Variants in ERI1 observed in about 807,000 individuals in gnomAD.
ERI1 encodes 3'-5' exoribonuclease 1.
Under a neutral mutation model 39.7 loss-of-function variants are expected in ERI1, and 39 were observed. That is an observed-to-expected ratio of 0.98 (90% CI 0.76 to 1.28). The LOEUF (loss-of-function observed/expected upper bound fraction) is 1.28. Ranked by LOEUF, ERI1 falls within the 50% of genes most tolerant of loss-of-function variation. The pLI is 0.00. For missense variants in ERI1, 581 were observed against 416.9 expected (o/e 1.39, Z -3.43); for synonymous variants, 204 against 149.6 (o/e 1.36, Z -2.65).
At chr8:9,053,110 G>A (rs1282592359) in intron 3 of ERI1, among the ~76,000 whole-genome samples, 3 of 152,100 alleles carry the variant, frequency 2.0e-5, no homozygotes, top group Admixed American at 6.5e-5. Context: ...TCTGCCTCCC[G>A]GGTTCAAGAG....
At chr8:9,040,641 C>G (rs1048789717) in intron 3 of ERI1, among the ~76,000 whole-genome samples, 8 of 151,974 alleles carry the variant, frequency 5.3e-5, no homozygotes, top group African/African-American at 1.9e-4. Flanking sequence ...TAGACATATC[C>G]CACATGAAGA....
intron 6 of ERI1, among the ~76,000 whole-genome samples, chr8:9,028,705 C>A (rs995035765): frequency 2.0e-5 from 3 of 152,068 alleles, no homozygotes; most frequent in African/African-American, 7.2e-5. Context: ...CTCACTGTAA[C>A]CTCTGCCTCC....
intron 3 of ERI1, among the ~76,000 whole-genome samples, chr8:9,063,870 G>A (rs1380543176): frequency 6.6e-6 from 1 of 152,124 alleles, no homozygotes; most frequent in Admixed American, 6.5e-5. Context: ...GTAAGTTGAA[G>A]AGGTTTTAAG....
chr8:9,010,439 C>A (rs551350303), intron 2 of ERI1, among the ~76,000 whole-genome samples: 18 of 152,236 alleles, frequency 1.2e-4, no homozygotes, highest in African/African-American at 4.3e-4. Flanking sequence ...TTTTGAAAAT[C>A]TCAAGCAAAG....
At chr8:9,020,523 C>T in intron 6 of ERI1, 59 bp downstream of exon 6, 1 of 1,071,588 alleles carries the variant, frequency 9.3e-7, no homozygotes, top group Non-Finnish European at 1.4e-6. Context: ...TTAAAATTTG[C>T]ATGTACGTTA....
At chr8:9,067,252 G>A (rs897550458) in intron 3 of ERI1, among the ~76,000 whole-genome samples, 5 of 152,034 alleles carry the variant, frequency 3.3e-5, no homozygotes, top group Admixed American at 6.5e-5. Context: ...ACACGTTCCT[G>A]TATCAGCCTG....
chr8:9,071,454 C>G (rs922569943), intron 3 of ERI1, among the ~76,000 whole-genome samples: 21 of 152,142 alleles, frequency 1.4e-4, no homozygotes, highest in Admixed American at 1.4e-3. Context: ...AATGCCAGCT[C>G]TATGTGAAAA....
intron 3 of ERI1, among the ~76,000 whole-genome samples, chr8:9,057,838 G>T (rs376899157): frequency 1.4e-4 from 22 of 152,326 alleles, no homozygotes; most frequent in African/African-American, 4.6e-4. Context: ...AGAGCCTTGG[G>T]AGCTGCCTGG....
In ERI1 at chr8:9,018,319, C is replaced by A. The variant is rs757349300; in HGVS notation, c.605C>A (p.Thr202Asn). ...ITQDQVDRADTFPQVLKKVID... is the reference protein window; with the variant it reads ...ITQDQVDRADNFPQVLKKVID... ...CAGGATCAGGTAGACAGAGCTGATA[C>A]CTTCCCTCAGGTACTAAAAAAAGTA... The change falls in exon 5 of 7, where the codon ACC (threonine) becomes AAC (asparagine). Residue 202 changes from threonine to asparagine, a missense_variant. Physicochemically the swap from Thr to Asn is moderately conservative, Grantham distance 65. Coordinates refer to ENST00000250263, the MANE Select transcript of ERI1 (RefSeq NM_153332.4). 1.9e-6 allele frequency: 3 copies of A among 1,611,402 alleles called. No homozygotes were observed. The highest frequency in any genetic ancestry group is 1.1e-5 in the South Asian group (1 of 90,996).
At chr8:9,018,268 T>A (rs781130403) in intron 4 of ERI1, 29 bp from the exon 5 acceptor site, 1 of 1,403,046 alleles carries the variant, frequency 7.1e-7, no homozygotes, top group South Asian at 1.2e-5. Context: ...CAGCCCTGAT[T>A]TTTGTATATT....
chr8:9,028,101 G>C (rs1236676128), intron 6 of ERI1, among the ~76,000 whole-genome samples: 2 of 152,164 alleles, frequency 1.3e-5, no homozygotes, highest in African/African-American at 2.4e-5. Context: ...GAATGAGTTG[G>C]GAAGTATTTC....
downstream of ERI1, among the ~76,000 whole-genome samples, chr8:9,033,934 A>T (rs1212734249): frequency 6.6e-6 from 1 of 152,276 alleles, no homozygotes; most frequent in African/African-American, 2.4e-5. Context: ...TTTGATGTTC[A>T]TTCTTTGAAT....
intron 3 of ERI1, among the ~76,000 whole-genome samples, chr8:9,074,421 G>A (rs955448169): frequency 5.3e-5 from 8 of 151,790 alleles, no homozygotes; most frequent in African/African-American, 1.7e-4. Context: ...CACTGCACCT[G>A]ATCCATATTT....
At chr8:9,056,337 T>C (rs889587367) in intron 3 of ERI1, among the ~76,000 whole-genome samples, 1 of 152,214 alleles carries the variant, frequency 6.6e-6, no homozygotes, top group African/African-American at 2.4e-5. Flanking sequence ...CCCTTATCTG[T>C]TGGGGTAAGG....
chr8:9,081,410 A>T (rs1799360554), intron 3 of ERI1, among the ~76,000 whole-genome samples: 1 of 152,230 alleles, frequency 6.6e-6, no homozygotes, highest in Non-Finnish European at 1.5e-5. Context: ...GAGGTTCTTT[A>T]TACTAGTCTG....
At chr8:9,055,805 C>G (rs917560775) in intron 3 of ERI1, among the ~76,000 whole-genome samples, 1 of 152,124 alleles carries the variant, frequency 6.6e-6, no homozygotes, top group African/African-American at 2.4e-5. Flanking sequence ...TTCCCAAAAC[C>G]CTGGGATTAC....
At chr8:9,048,276 GT>G (rs11433078) in intron 3 of ERI1, among the ~76,000 whole-genome samples, 2 of 151,804 alleles carry the variant, frequency 1.3e-5, no homozygotes, top group East Asian at 1.9e-4. Flanking sequence ...ATAGGGATTT[GT>G]TTTTTTTAAG....
intron 3 of ERI1, among the ~76,000 whole-genome samples, chr8:9,067,245 C>T (rs1171687092): frequency 2.6e-5 from 4 of 152,020 alleles, no homozygotes; most frequent in Middle Eastern, 3.2e-3. Flanking sequence ...ACTGTATACA[C>T]GTTCCTGTAT....
At chr8:9,005,635 C>G (rs1028757665) in intron 1 of ERI1, among the ~76,000 whole-genome samples, 2 of 151,852 alleles carry the variant, frequency 1.3e-5, no homozygotes, top group Non-Finnish European at 2.9e-5. Context: ...CTGCCTCAGC[C>G]TCCTGAGTAG....
Sources: allele counts gnomAD v4.1 joint callset (sites outside exome capture counted in the v4.1 genomes callset), GRCh38; gene constraint gnomAD v4.1.1; transcripts MANE v1.5; gene names NCBI Gene and HGNC (gene_info 2026-07-23, HGNC 2026-07-21).